Variants in ADA2 observed in about 807,000 individuals in gnomAD.
The protein encoded by ADA2 is adenosine deaminase 2.
Under a neutral mutation model 44.2 loss-of-function variants are expected in ADA2, and 29 were observed. That is an observed-to-expected ratio of 0.66 (90% confidence interval 0.49 to 0.89). The LOEUF is 0.89. Ranked by LOEUF, ADA2 falls within the 40% of genes least tolerant of loss-of-function variation. ADA2 has a pLI of 0.00. For missense variants in ADA2, 637 were observed against 644.8 expected, an observed-to-expected ratio of 0.99 and a Z score of 0.13; for synonymous variants, 215 against 234.9, an observed-to-expected ratio of 0.92 and a Z score of 0.77.
intron 4 of ADA2, among the ~76,000 whole-genome samples, chr22:17,203,102 T>C (rs534482595): frequency 1.3e-5 from 2 of 152,210 alleles, no homozygotes; most frequent in African/African-American, 2.4e-5. Context: ...CTCCCAGAAA[T>C]GGGGTTTCTC....
chr22:17,217,504 T>G (rs1412274092), intron 1 of ADA2, among the ~76,000 whole-genome samples: 1 of 152,204 alleles, frequency 6.6e-6, no homozygotes, highest in Non-Finnish European at 1.5e-5. Context: ...TCTATGCTGC[T>G]CCTTTACCTG....
intron 4 of ADA2, chr22:17,199,449 A>AATCCTCTTC: frequency 2.9e-6 from 1 of 350,742 alleles, no homozygotes; most frequent in Non-Finnish European, 4.7e-6. Flanking sequence ...CTTCCCCTCC[A>AATCCTCTTC]CCCACGAAGA....
intron 4 of ADA2, chr22:17,199,436 C>CCTCTTCCCCTCCCTCCCCTCCACTATA: frequency 3.0e-6 from 3 of 1,000,782 alleles, no homozygotes; most frequent in Non-Finnish European, 3.2e-6. Context: ...CCTCCTCTAT[C>CCTCTTCCCCTCCCTCCCCTCCACTATA]CTCTTCCCCT....
intron 4 of ADA2, chr22:17,199,446 T>TCCAATATCCTCTTCCCCA: frequency 1.1e-6 from 1 of 917,628 alleles, no homozygotes; most frequent in Non-Finnish European, 1.7e-6. Flanking sequence ...CCTCTTCCCC[T>TCCAATATCCTCTTCCCCA]CCACCCACGA....
intron 1 of ADA2, among the ~76,000 whole-genome samples, chr22:17,212,996 C>A (rs2062433841): frequency 6.7e-6 from 1 of 149,450 alleles, no homozygotes; most frequent in Non-Finnish European, 1.5e-5. Context: ...CACTATGTTG[C>A]CATGGCTGGT....
At position 17,181,907 on chromosome 22, in the gene ADA2, G is replaced by C. The variant is rs747458336; in HGVS notation, c.1355C>G (p.Ser452Cys). The change falls in exon 9 of 10, where the codon TCC becomes TGC. Residue 452 changes from serine to cysteine, a missense_variant. Physicochemically the swap from Ser to Cys is moderately radical, Grantham distance 112 (BLOSUM62 -1). Coordinates refer to ENST00000399837, the MANE Select transcript of ADA2 (RefSeq NM_001282225.2). ...CATGAAGACCTCATAGAAATCATAG[G>C]ACAAGCCTTTGGCACCAAACATAGC... ...DPAMFGAKGLSYDFYEVFMGI... is the reference protein window; with the variant it reads ...DPAMFGAKGLCYDFYEVFMGI... 2.5e-6 allele frequency: 4 copies of C among 1,614,126 alleles called. No homozygotes were observed. In the Admixed American group the frequency reaches 6.7e-5, roughly 27 times the overall value.
At chr22:17,214,611 C>G (rs2062451549) in intron 1 of ADA2, among the ~76,000 whole-genome samples, 1 of 152,178 alleles carries the variant, frequency 6.6e-6, no homozygotes, top group South Asian at 2.1e-4. Flanking sequence ...TCCAAGCTTC[C>G]TCTAGCTTGG....
chr22:17,212,956 A>ATT (rs34092800), intron 1 of ADA2, among the ~76,000 whole-genome samples: 21,401 of 144,226 alleles, frequency 0.15, 1,920 homozygotes, highest in East Asian at 0.36. Flanking sequence ...CACTCAGCTA[A>ATT]TTTTTTTTTT....
chr22:17,207,440 G>T (rs1295765256), intron 2 of ADA2, 150 bp from the exon 3 acceptor site: 1 of 585,686 alleles, frequency 1.7e-6, no homozygotes, highest in Admixed American at 3.0e-5. Flanking sequence ...GGGCTCCGGG[G>T]CTTGGGGACA....
chr22:17,199,442 C>CCCCTCCCTCCCCACCACTATCCTCTTA, intron 4 of ADA2: 1 of 1,022,720 alleles, frequency 9.8e-7, no homozygotes, highest in Non-Finnish European at 1.5e-6. Context: ...CTATCCTCTT[C>CCCCTCCCTCCCCACCACTATCCTCTTA]CCCTCCACCC....
chr22:17,200,882 C>CAAAAAAAAAAAAA (rs3078427), intron 4 of ADA2, among the ~76,000 whole-genome samples: 3 of 119,292 alleles, frequency 2.5e-5, no homozygotes, highest in African/African-American at 3.1e-5. Context: ...AACTCTGCCT[C>CAAAAAAAAAAAAA]AAAAAAAAAA....
intron 7 of ADA2, 139 bp from the exon 8 acceptor site, chr22:17,182,900 A>G (rs2061990148): frequency 4.0e-6 from 3 of 744,804 alleles, no homozygotes; most frequent in Non-Finnish European, 4.4e-6. Context: ...AGAAATTAAC[A>G]TTAACACAAA....
chr22:17,215,115 C>T lies in ADA2; in HGVS notation c.-47+4241G>A, dbSNP rs369902629. ...TGTGTGTCCTGGTTGAGGATCAAAC[C>T]GCATATGCTATTGGGAGAAACAATC... On this transcript the variant is annotated intron_variant, in intron 1 of 9. Coordinates refer to ENST00000399837, the MANE Select transcript of ADA2 (RefSeq NM_001282225.2). Among the ~76,000 whole-genome samples, 12 of 152,246 alleles carry T rather than the reference C, an allele frequency of 7.9e-5. No individual in the cohort carries two copies. The South Asian group carries it at 1.9e-3, about 24-fold the overall frequency.
intron 6 of ADA2, 171 bp downstream of exon 6, chr22:17,189,771 A>T: frequency 1.7e-6 from 1 of 581,108 alleles, no homozygotes; most frequent in Admixed American, 2.9e-5. Flanking sequence ...GAAGAGGGTC[A>T]GCGCTGAGCT....
intron 4 of ADA2, among the ~76,000 whole-genome samples, chr22:17,196,967 G>A (rs1222500585): frequency 1.3e-5 from 2 of 152,228 alleles, no homozygotes; most frequent in Non-Finnish European, 2.9e-5. Flanking sequence ...GAGGTCAGGA[G>A]TTCAAGAGCA....
intron 6 of ADA2, among the ~76,000 whole-genome samples, chr22:17,189,455 G>C (rs1335090673): frequency 6.6e-6 from 1 of 152,148 alleles, no homozygotes; most frequent in African/African-American, 2.4e-5. Context: ...GCTGGAGAGG[G>C]AGGGACAAAT....
chr22:17,221,572 C>T (rs2062523850), upstream of ADA2, among the ~76,000 whole-genome samples: 1 of 152,132 alleles, frequency 6.6e-6, no homozygotes, highest in South Asian at 2.1e-4. Context: ...TTTCACATCT[C>T]CGAAGGTGGC....
intron 3 of ADA2, 149 bp downstream of exon 3, chr22:17,206,922 G>A: frequency 1.6e-6 from 1 of 613,166 alleles, no homozygotes; most frequent in Non-Finnish European, 2.9e-6. Context: ...CCAAAGTGCT[G>A]GGATTATAGG....
intron 1 of ADA2, among the ~76,000 whole-genome samples, chr22:17,214,667 T>C (rs2062452052): frequency 6.6e-6 from 1 of 152,224 alleles, no homozygotes; most frequent in African/African-American, 2.4e-5. Context: ...TTTGCAACTC[T>C]GTGGCCTTCA....
Sources: gnomAD v4.1 joint callset for allele counts (sites outside exome capture counted in the v4.1 genomes callset) on GRCh38, gnomAD v4.1.1 for gene constraint, MANE v1.5 for transcripts, NCBI Gene and HGNC (gene_info 2026-07-23, HGNC 2026-07-21) for gene names.